ABLIM2: variants seen among roughly 807,000 people sequenced by gnomAD.
ABLIM2 encodes actin binding LIM protein family member 2.
Under a neutral mutation model 97.7 loss-of-function variants are expected in ABLIM2, and 53 were observed. The observed-to-expected ratio is 0.54, with a 90% confidence interval of 0.44 to 0.68. The LOEUF (loss-of-function observed/expected upper bound fraction) is 0.68, where lower values mean the gene tolerates loss of function less well. Ranked by LOEUF, ABLIM2 falls within the 30% of genes least tolerant of loss-of-function variation. The probability of loss-of-function intolerance (pLI) is 0.00; values close to 1 mark genes in which losing one functional copy is unlikely to be tolerated. For synonymous variants in ABLIM2, 361 were observed against 345.8 expected (o/e 1.04, Z -0.49); for missense variants, 835 against 867.2 (o/e 0.96, Z 0.47).
rs935181737 is a variant in ABLIM2, at chr4:8,152,271, C to T, written c.10+6409G>A. ...CAGCGCCCGCCTAGCCAGGGATACG[C>T]GTGTTGCGGCTGAGTCGGGCACACT... is the stretch of plus-strand genomic sequence containing the variant. On this transcript the variant is annotated intron_variant, in intron 1 of 20. Transcript: ENST00000447017. Among the ~76,000 whole-genome samples the T allele has an allele frequency of 9.2e-5, 14 of 152,346 alleles. No homozygotes were observed. In the East Asian group the frequency reaches 9.6e-4, roughly 10 times the overall value.
In ABLIM2 at chr4:8,078,352, C is replaced by T. The variant is rs370797156; in HGVS notation, c.582-631G>A. On this transcript the variant is annotated intron_variant, in intron 5 of 20. Coordinates refer to ENST00000447017, the MANE Select transcript of ABLIM2 (RefSeq NM_001130083.2). Reference sequence around the variant, plus strand: ...CATCCCCTCTCCCCACGCACACGTGCGGCCTGCCTGCTATGTGCCAGGTGC... The same window carrying T: ...CATCCCCTCTCCCCACGCACACGTGTGGCCTGCCTGCTATGTGCCAGGTGC... Among the ~76,000 whole-genome samples, 224 of 152,354 alleles carry T rather than the reference C, an allele frequency of 1.5e-3. 1 individual carries two copies. Among genetic ancestry groups the T allele is most frequent in the African/African-American group, 4.3e-3 (180 of 41,576 alleles).
rs1841280470 is a variant in ABLIM2, at chr4:8,113,355, A to G, written c.11-6718T>C. Among the ~76,000 whole-genome samples the G allele has an allele frequency of 6.6e-6, 1 of 152,066 alleles. No homozygotes were observed. Among genetic ancestry groups the G allele is most frequent in the African/African-American group, 2.4e-5 (1 of 41,378 alleles). On this transcript the variant is annotated intron_variant, in intron 1 of 20. Coordinates refer to ENST00000447017, the MANE Select transcript of ABLIM2 (RefSeq NM_001130083.2). This position sits in a 1 kb window ranked among gnomAD's most constrained non-coding sequence, Gnocchi z 4.5. ...AGTGATCCTCCCATGTCAGCCTCCC[A>G]AAGTGCTGGGATTACAGGCATGAGC...
rs553699602 is a variant in ABLIM2 at position 7,992,957 on chromosome 4, G to A, written c.1619-30C>T. 2.4e-5 allele frequency: 39 copies of A among 1,606,968 alleles called. No individual in the cohort carries two copies. The highest frequency in any genetic ancestry group is 1.9e-4 in the Middle Eastern group (1 of 5,252). On this transcript the variant is annotated intron_variant, in intron 16 of 20. Transcript: ENST00000447017. This position sits in a 1 kb window ranked among gnomAD's most constrained non-coding sequence, Gnocchi z 5.7. ...AACAGACACAGCACAGCTTTGTCAC[G>A]CGCGCAGACTCGGTGCAGCAATGGG...
At chr4:8,157,052 C>T (rs1389050348) in intron 1 of ABLIM2, among the ~76,000 whole-genome samples, 1 of 152,192 alleles carries the variant, frequency 6.6e-6, no homozygotes, top group Non-Finnish European at 1.5e-5. Flanking sequence ...TCATGTTGTA[C>T]CTTGTCCCCT....
chr4:8,018,478 T>C (rs1771117820), intron 14 of ABLIM2, among the ~76,000 whole-genome samples: 2 of 152,220 alleles, frequency 1.3e-5, no homozygotes, highest in African/African-American at 2.4e-5. Context: ...TGGAGGTTCA[T>C]GCTCTACGCT....
At chr4:8,119,111 G>A (rs910246545) in intron 1 of ABLIM2, among the ~76,000 whole-genome samples, 3 of 152,026 alleles carry the variant, frequency 2.0e-5, no homozygotes, top group Non-Finnish European at 2.9e-5. Context: ...GGGAACAAGT[G>A]GCCCAGCAAG....
At chr4:8,126,647 A>G (rs1415950485) in intron 1 of ABLIM2, among the ~76,000 whole-genome samples, 1 of 152,012 alleles carries the variant, frequency 6.6e-6, no homozygotes, top group Non-Finnish European at 1.5e-5. Flanking sequence ...CTGTCCCCCG[A>G]GCAGGACACC....
At chr4:7,969,807 C>T (rs574692169) in intron 20 of ABLIM2, among the ~76,000 whole-genome samples, 5 of 151,242 alleles carry the variant, frequency 3.3e-5, no homozygotes, top group Non-Finnish European at 5.9e-5. Flanking sequence ...GGCCCTCAGC[C>T]GCCTGCTGCT....
intron 14 of ABLIM2, among the ~76,000 whole-genome samples, chr4:8,012,584 C>T (rs1289380734): frequency 6.6e-6 from 1 of 150,760 alleles, no homozygotes; most frequent in Non-Finnish European, 1.5e-5. Context: ...CATCCATCCA[C>T]CCATTCTTCA....
intron 9 of ABLIM2, among the ~76,000 whole-genome samples, chr4:8,038,040 A>T (rs1451292503): frequency 6.6e-6 from 1 of 152,170 alleles, no homozygotes; most frequent in African/African-American, 2.4e-5. Context: ...TTCCAGCCAC[A>T]GGTGACTCTG....
chr4:8,053,281 C>A (rs1267242137), intron 8 of ABLIM2, among the ~76,000 whole-genome samples: 1 of 152,196 alleles, frequency 6.6e-6, no homozygotes, highest in Non-Finnish European at 1.5e-5. Context: ...AGTCATCCTG[C>A]CTTTGCTTCA....
intron 1 of ABLIM2, among the ~76,000 whole-genome samples, chr4:8,142,548 T>C (rs1295897507): frequency 6.6e-6 from 1 of 152,200 alleles, no homozygotes; most frequent in Non-Finnish European, 1.5e-5. Flanking sequence ...ACCCCAGCCC[T>C]CTGCTGCTCT....
rs991171837 is a variant in ABLIM2 at position 8,128,845 on chromosome 4, T to C, written c.11-22208A>G. ...CCTCGCTCTTTCTACCACATGAGGG[T>C]GCGAGGAAAAGGCGGCTGTCTGCAG... On this transcript the variant is annotated intron_variant, in intron 1 of 20. Transcript: ENST00000447017. The surrounding 1 kb of genome is among the most constrained non-coding windows in gnomAD (Gnocchi z 4.9). Among the ~76,000 whole-genome samples the C allele has an allele frequency of 6.6e-6, 1 of 151,740 alleles. No individual in the cohort carries two copies. Among genetic ancestry groups the C allele is most frequent in the Admixed American group, 6.6e-5 (1 of 15,220 alleles).
chr4:8,135,717 G>C (rs536657881), intron 1 of ABLIM2, among the ~76,000 whole-genome samples: 2 of 152,364 alleles, frequency 1.3e-5, no homozygotes, highest in South Asian at 4.1e-4. Context: ...GAAGACAGAT[G>C]CTCTCAAGGA....
At chr4:8,152,279 G>A (rs999046191) in intron 1 of ABLIM2, among the ~76,000 whole-genome samples, 3 of 152,228 alleles carry the variant, frequency 2.0e-5, no homozygotes, top group Admixed American at 6.5e-5. Flanking sequence ...CGCGTGTTGC[G>A]GCTGAGTCGG....
intron 14 of ABLIM2, among the ~76,000 whole-genome samples, chr4:8,010,910 AG>A (rs946758437): frequency 2.0e-5 from 3 of 152,230 alleles, no homozygotes; most frequent in African/African-American, 7.2e-5. Flanking sequence ...AAGGCAGGCT[AG>A]GGGCTGCTTG....
chr4:8,054,383 T>A lies in ABLIM2; in HGVS notation c.764-137A>T. 3 of 898,836 alleles carry A rather than the reference T, an allele frequency of 3.3e-6. No individual in the cohort carries two copies. Among genetic ancestry groups the A allele is most frequent in the South Asian group, 1.5e-5 (1 of 65,232 alleles). 55.7% of individuals were successfully genotyped at this position (898,836 alleles called of 1,614,324 possible). A position where few individuals can be genotyped will look rare whatever the true frequency, so the allele number is the denominator to read the frequency against. ...TCCACCCTCCAAGCGGCCCTGAGCA[T>A]CCTCTCTGTGCTGGAGTTAGTGCCG... On this transcript the variant is annotated intron_variant, in intron 7 of 20. Coordinates refer to ENST00000447017, the MANE Select transcript of ABLIM2 (RefSeq NM_001130083.2). The surrounding 1 kb of genome is among the most constrained non-coding windows in gnomAD (Gnocchi z 4.9).
At chr4:8,006,878 G>GGC (rs1761755254) in intron 16 of ABLIM2, 1 of 256,736 alleles carries the variant, frequency 3.9e-6, no homozygotes, top group African/African-American at 3.2e-5. Flanking sequence ...GATTTTTGCA[G>GGC]GGGGGGGGTG....
At chr4:8,157,906 C>A (rs1318914823) in intron 1 of ABLIM2, among the ~76,000 whole-genome samples, 1 of 152,284 alleles carries the variant, frequency 6.6e-6, no homozygotes, top group Non-Finnish European at 1.5e-5. Context: ...GGTGCGGGCC[C>A]CAGGAGGCTC....
Sources: allele counts gnomAD v4.1 joint callset (sites outside exome capture counted in the v4.1 genomes callset), GRCh38; gene constraint gnomAD v4.1.1; non-coding constraint Gnocchi (gnomAD v3.1); transcripts MANE v1.5; gene names NCBI Gene and HGNC (gene_info 2026-07-23, HGNC 2026-07-21).